Variants in OR9Q1 observed in about 807,000 individuals in gnomAD.
The protein encoded by OR9Q1 is olfactory receptor family 9 subfamily Q member 1, also known as olfactory receptor 9Q1.
For synonymous variants in OR9Q1, 153 were observed against 148.6 expected, an observed-to-expected ratio of 1.03 and a Z score of -0.22; for missense variants, 374 against 378.8, an observed-to-expected ratio of 0.99 and a Z score of 0.11.
At chr11:58,142,028 T>G (rs1854254914) in intron 2 of OR9Q1, among the ~76,000 whole-genome samples, 1 of 152,186 alleles carries the variant, frequency 6.6e-6, no homozygotes, top group Non-Finnish European at 1.5e-5. Flanking sequence ...CTATTAGTTG[T>G]GGCCAAATGA....
intron 2 of OR9Q1, among the ~76,000 whole-genome samples, chr11:58,152,421 G>A (rs1854362213): frequency 6.6e-6 from 1 of 152,082 alleles, no homozygotes; most frequent in South Asian, 2.1e-4. Flanking sequence ...ACAGCACTTG[G>A]GAGCATTTGT....
chr11:58,087,454 A>G (rs980114379), intron 2 of OR9Q1, among the ~76,000 whole-genome samples: 10 of 151,948 alleles, frequency 6.6e-5, no homozygotes, highest in Non-Finnish European at 1.5e-4. Context: ...GTAGTAAACT[A>G]TTATATTTTA....
chr11:58,171,318 C>T (rs1238048760), intron 2 of OR9Q1: 1 of 152,362 alleles, frequency 6.6e-6, no homozygotes, highest in East Asian at 1.9e-4. Context: ...GTTTCACTCT[C>T]TGTGACCTCC....
At chr11:58,099,567 T>C (rs1853764592) in intron 2 of OR9Q1, among the ~76,000 whole-genome samples, 1 of 152,082 alleles carries the variant, frequency 6.6e-6, no homozygotes, top group South Asian at 2.1e-4. Context: ...GCATATAATT[T>C]TCCGTTCTTT....
At chr11:58,038,438 A>G (rs1160262427) in intron 1 of OR9Q1, among the ~76,000 whole-genome samples, 5 of 152,190 alleles carry the variant, frequency 3.3e-5, no homozygotes. Flanking sequence ...TGTCATATGA[A>G]GGATTAACCT....
At chr11:58,114,112 G>T (rs1853928328) in intron 2 of OR9Q1, among the ~76,000 whole-genome samples, 1 of 152,146 alleles carries the variant, frequency 6.6e-6, no homozygotes, top group Admixed American at 6.6e-5. Flanking sequence ...ACCCCAGCAG[G>T]TAGCAGGGCC....
intron 2 of OR9Q1, among the ~76,000 whole-genome samples, chr11:58,066,959 T>C (rs910031861): frequency 6.6e-6 from 1 of 152,068 alleles, no homozygotes; most frequent in Non-Finnish European, 1.5e-5. Context: ...GTGCTGTCCA[T>C]CGTGTCCACA....
intron 2 of OR9Q1, among the ~76,000 whole-genome samples, chr11:58,070,484 C>G (rs11229246): frequency 0.13 from 19,209 of 152,222 alleles, 1,464 homozygotes; most frequent in South Asian, 0.19. Flanking sequence ...ACCTTGAGGT[C>G]CCAATGCTCA....
At chr11:58,137,475 C>G (rs1405428924) in intron 2 of OR9Q1, among the ~76,000 whole-genome samples, 1 of 152,158 alleles carries the variant, frequency 6.6e-6, no homozygotes, top group Non-Finnish European at 1.5e-5. Context: ...GGCAGTGTTT[C>G]CAACTCAGAA....
chr11:58,109,673 A>G, intron 2 of OR9Q1: 1 of 437,284 alleles, frequency 2.3e-6, no homozygotes, highest in Non-Finnish European at 4.6e-6. Context: ...GGCTCAATAT[A>G]GCTGGTTCAC....
chr11:58,070,754 TG>T (rs1853480174), intron 2 of OR9Q1, among the ~76,000 whole-genome samples: 1 of 152,178 alleles, frequency 6.6e-6, no homozygotes, highest in South Asian at 2.1e-4. Flanking sequence ...TAGCCATAGA[TG>T]ATTGGGCACT....
intron 2 of OR9Q1, among the ~76,000 whole-genome samples, chr11:58,160,188 A>T (rs1184881707): frequency 6.6e-6 from 1 of 152,220 alleles, no homozygotes; most frequent in African/African-American, 2.4e-5. Flanking sequence ...TAGACATGTG[A>T]TTAAATGATC....
intron 2 of OR9Q1, among the ~76,000 whole-genome samples, chr11:58,104,591 G>A (rs955082580): frequency 1.3e-5 from 2 of 152,084 alleles, no homozygotes; most frequent in Non-Finnish European, 2.9e-5. Flanking sequence ...ATGATTTTTT[G>A]GAATGTTAAT....
Position 58,083,798 on chromosome 11 carries a change from A to G in OR9Q1, c.-15+27851A>G, listed in dbSNP as rs183480479. ...GTGTGGATTTACTTCTGGGTTCACT[A>G]TTCTGTTCCACTGGTCTATGTGTCT... On this transcript the variant is annotated intron_variant, in intron 2 of 2. Transcript: ENST00000335397. 1.6e-3 allele frequency among the ~76,000 whole-genome samples: 236 copies of G among 151,878 alleles called. 1 individual carries two copies. Among genetic ancestry groups the G allele is most frequent in the African/African-American group, 5.2e-3 (213 of 41,242 alleles).
At chr11:58,082,712 A>G (rs930951484) in intron 2 of OR9Q1, among the ~76,000 whole-genome samples, 1 of 145,978 alleles carries the variant, frequency 6.9e-6, no homozygotes, top group African/African-American at 2.5e-5. Context: ...TAACCTGCAC[A>G]TTGTGCACAT....
chr11:58,129,421 T>C (rs1023957210), intron 2 of OR9Q1, among the ~76,000 whole-genome samples: 1 of 152,170 alleles, frequency 6.6e-6, no homozygotes, highest in Non-Finnish European at 1.5e-5. Flanking sequence ...AAAACCTACA[T>C]CAGATTCTGT....
intron 1 of OR9Q1, among the ~76,000 whole-genome samples, chr11:58,025,101 C>G (rs760717021): frequency 2.6e-5 from 4 of 152,190 alleles, no homozygotes; most frequent in African/African-American, 4.8e-5. Flanking sequence ...TTCATAGGAT[C>G]ATAGTACAAT....
At chr11:58,037,608 G>A (rs1405869346) in intron 1 of OR9Q1, among the ~76,000 whole-genome samples, 1 of 134,160 alleles carries the variant, frequency 7.5e-6, no homozygotes, top group African/African-American at 2.9e-5. Context: ...TAACTATATG[G>A]GAAGTGTCAG....
At chr11:58,032,644 C>T (rs1425269652) in intron 1 of OR9Q1, among the ~76,000 whole-genome samples, 3 of 152,070 alleles carry the variant, frequency 2.0e-5, no homozygotes, top group African/African-American at 7.2e-5. Context: ...TATAAGACCT[C>T]AAACTATAAA....
Sources: gnomAD v4.1 joint callset for allele counts (sites outside exome capture counted in the v4.1 genomes callset) on GRCh38, gnomAD v4.1.1 for gene constraint, MANE v1.5 for transcripts, NCBI Gene and HGNC (gene_info 2026-07-23, HGNC 2026-07-21) for gene names.